Variants in RBFOX1 observed in about 807,000 individuals in gnomAD.
RBFOX1 encodes the protein RNA binding fox-1 homolog 1, also known as RNA binding protein fox-1 homolog 1.
RBFOX1 carries 8 observed loss-of-function variants against 57.7 expected under a neutral mutation model. That is an observed-to-expected ratio of 0.14 (90% CI 0.08 to 0.25). RBFOX1 has a LOEUF of 0.25. RBFOX1 is among the 10% of genes least tolerant of loss of function. The probability of loss-of-function intolerance (pLI) is 1.00; values close to 1 mark genes in which losing one functional copy is unlikely to be tolerated. For missense variants in RBFOX1, 611 were observed against 548.5 expected, an observed-to-expected ratio of 1.11 and a Z score of -1.14; for synonymous variants, 326 against 222.4, an observed-to-expected ratio of 1.47 and a Z score of -4.15.
At chr16:7,657,953 A>G (rs1399138643) in intron 12 of RBFOX1, among the ~76,000 whole-genome samples, 3 of 152,204 alleles carry the variant, frequency 2.0e-5, no homozygotes, top group Admixed American at 1.3e-4. Flanking sequence ...GGTAAATAAG[A>G]CTGGGCCCCA....
intron 3 of RBFOX1, 74 bp from the exon 4 acceptor site, chr16:7,051,983 A>G (rs961560459): frequency 6.4e-7 from 1 of 1,564,012 alleles, no homozygotes; most frequent in South Asian, 1.2e-5. Context: ...ATTAAAAGTA[A>G]CTTTCTGTTT....
At chr16:6,032,184 T>C (rs2095300283) in intron 1 of RBFOX1, among the ~76,000 whole-genome samples, 1 of 152,252 alleles carries the variant, frequency 6.6e-6, no homozygotes, top group South Asian at 2.1e-4. Flanking sequence ...AGATTCCTTC[T>C]TCCTTGCTGG....
chr16:5,263,526 A>C (rs111498371), intron 1 of RBFOX1, among the ~76,000 whole-genome samples: 1 of 152,166 alleles, frequency 6.6e-6, no homozygotes, highest in African/African-American at 2.4e-5. Context: ...TGGCACATAC[A>C]TGGTGCAAAA....
chr16:7,004,190 C>T (rs1319194439), intron 3 of RBFOX1: 1 of 151,974 alleles, frequency 6.6e-6, no homozygotes, highest in African/African-American at 2.4e-5. Flanking sequence ...ATAGAAGAAT[C>T]TGTAATGCAT....
chr16:5,785,174 G>A (rs79672238), intron 3 of RBFOX1, among the ~76,000 whole-genome samples: 2,442 of 152,274 alleles, frequency 0.016, 60 homozygotes, highest in African/African-American at 0.055. Context: ...ACATTCAACG[G>A]TCCTTGCTAT....
intron 3 of RBFOX1, among the ~76,000 whole-genome samples, chr16:6,711,243 A>T (rs549537479): frequency 4.9e-4 from 75 of 152,074 alleles, no homozygotes; most frequent in Middle Eastern, 3.4e-3. Flanking sequence ...TCCTCCTCCT[A>T]ACTCTGCTTT....
intron 1 of RBFOX1, among the ~76,000 whole-genome samples, chr16:6,282,749 G>T (rs1288639247): frequency 6.6e-6 from 1 of 152,118 alleles, no homozygotes. Context: ...CTTCTTTTAA[G>T]AGGTCTTTAA....
intron 4 of RBFOX1, among the ~76,000 whole-genome samples, chr16:5,920,462 T>C (rs1338326456): frequency 6.6e-6 from 1 of 152,184 alleles, no homozygotes; most frequent in African/African-American, 2.4e-5. Context: ...CGTGGGTGTA[T>C]ACCTAGGAGT....
intron 1 of RBFOX1, 131 bp downstream of exon 1, chr16:6,020,123 A>G: frequency 5.4e-6 from 6 of 1,106,824 alleles, no homozygotes; most frequent in South Asian, 2.3e-5. Flanking sequence ...GGCGCTCTGG[A>G]CGGGAACTTT....
chr16:6,628,789 C>G (rs2098343620), intron 2 of RBFOX1, among the ~76,000 whole-genome samples: 1 of 152,110 alleles, frequency 6.6e-6, no homozygotes, highest in African/African-American at 2.4e-5. Flanking sequence ...GTCATTCTTC[C>G]AAAGTTTAGG....
intron 2 of RBFOX1, among the ~76,000 whole-genome samples, chr16:6,361,806 A>G (rs2088597315): frequency 1.3e-5 from 2 of 152,176 alleles, no homozygotes; most frequent in South Asian, 4.1e-4. Flanking sequence ...ATCCACAGCC[A>G]AAATTGAGAA....
chr16:5,717,683 C>G (rs925541269), intron 3 of RBFOX1, among the ~76,000 whole-genome samples: 2 of 152,134 alleles, frequency 1.3e-5, no homozygotes, highest in African/African-American at 4.8e-5. Flanking sequence ...GCTGCAAAGG[C>G]CAGTATATCA....
intron 4 of RBFOX1, among the ~76,000 whole-genome samples, chr16:7,241,833 A>G (rs2094080234): frequency 6.6e-6 from 1 of 151,992 alleles, no homozygotes; most frequent in South Asian, 2.1e-4. Context: ...GTTTATACAT[A>G]TATTAAATAT....
intron 1 of RBFOX1, among the ~76,000 whole-genome samples, chr16:5,355,219 C>T (rs1282733373): frequency 6.6e-6 from 1 of 152,024 alleles, no homozygotes; most frequent in African/African-American, 2.4e-5. Flanking sequence ...TCATTCTGTG[C>T]GTTAGTTCAG....
At chr16:6,656,365 G>T (rs549879493) in intron 3 of RBFOX1, among the ~76,000 whole-genome samples, 1 of 152,234 alleles carries the variant, frequency 6.6e-6, no homozygotes, top group South Asian at 2.1e-4. Context: ...GATGCTGTTA[G>T]AACAACCTGA....
rs1211831346 is a variant in RBFOX1 at position 5,569,459 on chromosome 16, T to G, written c.259-29443T>G. 7.1e-3 allele frequency among the ~76,000 whole-genome samples: 772 copies of G among 108,726 alleles called. 3 individuals are homozygous for G. The highest frequency in any genetic ancestry group is 0.029 in the African/African-American group (744 of 25,272). 71.3% of individuals were successfully genotyped at this position (108,726 alleles called of 152,430 possible). A position where few individuals can be genotyped will look rare whatever the true frequency, so the allele number is the denominator to read the frequency against. The stretch of plus-strand genomic sequence containing the variant: ...TAACCTTTTTTTTTTTTTTTTTTTT[T>G]TTTTTTTTCTTCTTCTTTTTGGAGT... On this transcript the variant is annotated intron_variant, in intron 2 of 2. Transcript: ENST00000585867.
At chr16:5,471,699 G>A (rs3848380) in intron 2 of RBFOX1, among the ~76,000 whole-genome samples, 2,360 of 152,240 alleles carry the variant, frequency 0.016, 66 homozygotes, top group African/African-American at 0.054. Flanking sequence ...GTGGGACCTC[G>A]GGAGTATTTA....
intron 1 of RBFOX1, among the ~76,000 whole-genome samples, chr16:5,263,073 G>A (rs542176654): frequency 4.0e-5 from 6 of 149,826 alleles, no homozygotes; most frequent in South Asian, 4.2e-4. Flanking sequence ...GCAGGGTGAC[G>A]GTGGTGGTGG....
chr16:6,193,274 G>A (rs972594575), intron 1 of RBFOX1, among the ~76,000 whole-genome samples: 9 of 150,080 alleles, frequency 6.0e-5, no homozygotes, highest in African/African-American at 2.2e-4. Context: ...CATGCATGGG[G>A]CTGGCCAATC....
Sources: allele counts gnomAD v4.1 joint callset (sites outside exome capture counted in the v4.1 genomes callset), GRCh38; gene constraint gnomAD v4.1.1; transcripts MANE v1.5; gene names NCBI Gene and HGNC (gene_info 2026-07-23, HGNC 2026-07-21).